The following ABCA3 variants were observed in gnomAD, a reference collection of about 807,000 sequenced individuals.
ABCA3 encodes the protein ATP binding cassette subfamily A member 3.
In ABCA3, 88 loss-of-function variants were observed where a neutral mutation model predicts 172.8. The ratio of observed to expected loss-of-function variants is 0.51; its 90% CI spans 0.43 to 0.61. The LOEUF is 0.61. Among genes scored for constraint, ABCA3 ranks in the 20% least tolerant of loss-of-function variants. The pLI is 0.00. For missense variants in ABCA3, 2,164 were observed against 2,301.0 expected, an observed-to-expected ratio of 0.94 and a Z score of 1.22; for synonymous variants, 1,066 against 983.8, an observed-to-expected ratio of 1.08 and a Z score of -1.56.
chr16:2,326,919 C>T (rs1389499530), intron 3 of ABCA3, among the ~76,000 whole-genome samples: 1 of 152,090 alleles, frequency 6.6e-6, no homozygotes, highest in Non-Finnish European at 1.5e-5. Flanking sequence ...ACCCGGGAGG[C>T]GGGGGTTGCA....
chr16:2,299,898 G>A, intron 13 of ABCA3, 107 bp downstream of exon 13: 2 of 1,525,068 alleles, frequency 1.3e-6, no homozygotes, highest in Non-Finnish European at 1.8e-6. Flanking sequence ...GAGGGAGCAA[G>A]GCTCAGAGGG....
rs575825788 is a variant in ABCA3, at chr16:2,302,046, C to T, written c.1468-1898G>A. ...GAGATCTGTGTCTTAAGGGCGTGTT[C>T]CTGCTGCAAGTAATTCGGCCCATCC... On this transcript the variant is annotated intron_variant, in intron 12 of 32. Transcript: ENST00000301732. Among the ~76,000 whole-genome samples the T allele has an allele frequency of 4.6e-5, 7 of 152,376 alleles. No homozygotes were observed. The South Asian group carries it at 1.0e-3, about 23-fold the overall frequency.
rs1036111107 is a variant in ABCA3, at chr16:2,287,744, G to T, written c.3004+282C>A. On this transcript the variant is annotated intron_variant, in intron 21 of 32. Coordinates refer to ENST00000301732, the MANE Select transcript of ABCA3 (RefSeq NM_001089.3). This position sits in a 1 kb window ranked among gnomAD's most constrained non-coding sequence, Gnocchi z 4.1. The stretch of plus-strand genomic sequence containing the variant: ...CTTCAGTAAAAAGACGCCTGACAAA[G>T]CCTGGCCCCAGGATGCCAGTGTCTC... 1.1e-4 allele frequency among the ~76,000 whole-genome samples: 17 copies of T among 152,322 alleles called. No individual in the cohort carries two copies. Among genetic ancestry groups the T allele is most frequent in the Non-Finnish European group, 2.4e-4 (16 of 68,034 alleles).
chr16:2,300,062 G>A lies in ABCA3; in HGVS notation c.1554C>T (p.Tyr518=). Reference sequence around the variant, plus strand: ...CCAGGTCCTCTGGCTCGGCTTCAAAGTACTCGTTTCTGAGTGCTTTCTCGG... The same window carrying A: ...CCAGGTCCTCTGGCTCGGCTTCAAAATACTCGTTTCTGAGTGCTTTCTCGG... ...SDPEKALRNE[Y]FEAEPEDLVA... The change falls in exon 13 of 33, where the codon TAC becomes TAT. Residue 518 remains tyrosine, a synonymous_variant. Coordinates refer to ENST00000301732, the MANE Select transcript of ABCA3 (RefSeq NM_001089.3). 1 of 1,613,614 alleles carries A rather than the reference G, an allele frequency of 6.2e-7. No homozygotes were observed. The highest frequency in any genetic ancestry group is 1.1e-5 in the South Asian group (1 of 91,028).
chr16:2,289,200 G>C (rs2093667953), intron 20 of ABCA3: 2 of 587,396 alleles, frequency 3.4e-6, no homozygotes, highest in Non-Finnish European at 6.0e-6. Flanking sequence ...ACAAGCTCCT[G>C]TTGAGCAGGG....
intron 18 of ABCA3, among the ~76,000 whole-genome samples, chr16:2,295,342 T>C (rs563862460): frequency 5.3e-5 from 8 of 152,326 alleles, no homozygotes; most frequent in Admixed American, 3.9e-4. Flanking sequence ...AGCACCCTTT[T>C]GGTGAGTCAG....
At chr16:2,289,750 T>A in intron 19 of ABCA3, 130 bp from the exon 20 acceptor site, 1 of 950,968 alleles carries the variant, frequency 1.1e-6, no homozygotes, top group South Asian at 1.6e-5. Flanking sequence ...TCTGCTTATG[T>A]GTTTCCTCAC....
In ABCA3 at chr16:2,279,966, G is replaced by T. The variant is rs2093652582; in HGVS notation, c.4360-836C>A. Among the ~76,000 whole-genome samples the T allele has an allele frequency of 6.6e-6, 1 of 152,188 alleles. No homozygotes were observed. Among genetic ancestry groups the T allele is most frequent in the African/African-American group, 2.4e-5 (1 of 41,440 alleles). Reference sequence around the variant, plus strand: ...GCATTTTGCCATGTTGGCCAGGCTGGTCTCGAACTCTAGACCTCAAGTGAT... The same window carrying T: ...GCATTTTGCCATGTTGGCCAGGCTGTTCTCGAACTCTAGACCTCAAGTGAT... On this transcript the variant is annotated intron_variant, in intron 28 of 32. Coordinates refer to ENST00000301732, the MANE Select transcript of ABCA3 (RefSeq NM_001089.3). The surrounding 1 kb of genome is among the most constrained non-coding windows in gnomAD (Gnocchi z 4.4).
chr16:2,324,677 CT>C, intron 5 of ABCA3, 146 bp from the exon 6 acceptor site: 1 of 1,282,398 alleles, frequency 7.8e-7, no homozygotes. Context: ...CAGCTTTCAT[CT>C]TTGGCAGAGA....
rs1555489505 is a variant in ABCA3, at chr16:2,315,238, A to ACACACG, written c.1111+2044_1111+2045insCGTGTG. 2.2e-3 allele frequency among the ~76,000 whole-genome samples: 334 copies of ACACACG among 151,334 alleles called. 4 individuals are homozygous for ACACACG. Among genetic ancestry groups the ACACACG allele is most frequent in the African/African-American group, 7.4e-3 (305 of 41,212 alleles). ...CACACACACACACACACACACACAC[A>ACACACG]CACACAGCAAAGTCTGATGAGATAT... On this transcript the variant is annotated intron_variant, in intron 10 of 32. Transcript: ENST00000301732.
At chr16:2,320,289 G>C (rs1167769065) in intron 7 of ABCA3, among the ~76,000 whole-genome samples, 1 of 149,914 alleles carries the variant, frequency 6.7e-6, no homozygotes, top group Non-Finnish European at 1.5e-5. Context: ...TAGTAGAGAC[G>C]GGGTTTCACC....
chr16:2,319,784 C>T lies in ABCA3; in HGVS notation c.670G>A (p.Glu224Lys). 1.9e-6 allele frequency: 3 copies of T among 1,614,034 alleles called. No individual in the cohort carries two copies. The highest frequency in any genetic ancestry group is 2.5e-6 in the Non-Finnish European group (3 of 1,180,012). Reference sequence around the variant, plus strand: ...CGTGTGGCGGCATCGGCATGGTACTCCATGATGGCCCGGTCCACAGCATGC... The same window carrying T: ...CGTGTGGCGGCATCGGCATGGTACTTCATGATGGCCCGGTCCACAGCATGC... ...VQHAVDRAIM[E>K]YHADAATRQL... Residue 224 changes from glutamate (E) to lysine (K), a missense_variant, in exon 8 of 33, where the codon GAG becomes AAG. Coordinates refer to ENST00000301732, the MANE Select transcript of ABCA3 (RefSeq NM_001089.3).
intron 12 of ABCA3, 75 bp downstream of exon 12, chr16:2,303,885 ACTCAGAGGG>A: frequency 2.0e-6 from 3 of 1,469,606 alleles, no homozygotes; most frequent in Non-Finnish European, 2.8e-6. Context: ...CATGCTGGGG[ACTCAGAGGG>A]GTCCCTGAGC....
At chr16:2,298,245 T>C (rs1411151128) in intron 15 of ABCA3, 141 bp downstream of exon 15, 6 of 1,381,068 alleles carry the variant, frequency 4.3e-6, no homozygotes, top group African/African-American at 1.5e-5. Context: ...GAGAGGAACC[T>C]CTCCTTGACG....
At chr16:2,299,287 C>T (rs776577834) in intron 14 of ABCA3, 116 bp downstream of exon 14, 58 of 1,446,528 alleles carry the variant, frequency 4.0e-5, no homozygotes, top group South Asian at 1.5e-4. Context: ...CATCTCCTGC[C>T]GCTGTGGTTG....
At chr16:2,317,852 C>A in intron 8 of ABCA3, 88 bp from the exon 9 acceptor site, 1 of 1,206,652 alleles carries the variant, frequency 8.3e-7, no homozygotes, top group East Asian at 2.3e-5. Context: ...AGGCCTGAGT[C>A]CGACTGTCCC....
intron 20 of ABCA3, among the ~76,000 whole-genome samples, chr16:2,288,762 T>G (rs553253051): frequency 6.6e-6 from 1 of 152,206 alleles, no homozygotes; most frequent in Non-Finnish European, 1.5e-5. Context: ...CCTAGGCTGG[T>G]CTTGAACTCC....
At chr16:2,317,459 G>A in intron 9 of ABCA3, 56 bp from the exon 10 acceptor site, 2 of 1,609,784 alleles carry the variant, frequency 1.2e-6, no homozygotes, top group East Asian at 2.2e-5. Context: ...GGACCAGGAG[G>A]ACTCCTGACC....
In ABCA3 at chr16:2,276,574, A is replaced by G; in HGVS notation, c.*100T>C. ...TTCATATCCATCATAGAAAAAAGTG[A>G]TTAAAAATAAAGGATGAGATAAACT... On this transcript the variant is annotated 3_prime_UTR_variant, in exon 33 of 33. Coordinates refer to ENST00000301732, the MANE Select transcript of ABCA3 (RefSeq NM_001089.3). 1.3e-6 allele frequency: 2 copies of G among 1,554,490 alleles called. No individual in the cohort carries two copies. The highest frequency in any genetic ancestry group is 1.7e-6 in the Non-Finnish European group (2 of 1,152,438).
Sources: allele counts gnomAD v4.1 joint callset (sites outside exome capture counted in the v4.1 genomes callset), GRCh38; gene constraint gnomAD v4.1.1; non-coding constraint Gnocchi (gnomAD v3.1); transcripts MANE v1.5; gene names NCBI Gene and HGNC (gene_info 2026-07-23, HGNC 2026-07-21).